SUCLG2: variants seen among roughly 807,000 people sequenced by gnomAD.
The protein encoded by SUCLG2 is succinate-CoA ligase GDP-forming subunit beta.
SUCLG2 carries 42 observed loss-of-function variants against 47.9 expected under a neutral mutation model. The observed-to-expected ratio is 0.88, with a 90% CI of 0.69 to 1.14. The LOEUF is 1.14. Among genes scored for constraint, SUCLG2 ranks in the 50% most tolerant of loss-of-function variants. The pLI is 0.00. For missense variants in SUCLG2, 571 were observed against 525.9 expected, an observed-to-expected ratio of 1.09 and a Z score of -0.84; for synonymous variants, 195 against 197.3, an observed-to-expected ratio of 0.99 and a Z score of 0.10.
chr3:67,535,606 T>C (rs1288764442), intron 2 of SUCLG2, among the ~76,000 whole-genome samples: 2 of 152,032 alleles, frequency 1.3e-5, no homozygotes, highest in African/African-American at 4.8e-5. Context: ...AATAAATAAA[T>C]GAATTACCCA....
At chr3:67,611,159 G>A (rs541912520) in intron 1 of SUCLG2, among the ~76,000 whole-genome samples, 1 of 152,304 alleles carries the variant, frequency 6.6e-6, no homozygotes, top group East Asian at 1.9e-4. Flanking sequence ...ATGTATACAT[G>A]CTGGTAAAAA....
At chr3:67,583,805 A>G (rs1316304931) in intron 2 of SUCLG2, among the ~76,000 whole-genome samples, 1 of 152,200 alleles carries the variant, frequency 6.6e-6, no homozygotes, top group African/African-American at 2.4e-5. Flanking sequence ...CAGGCTTCAA[A>G]TGTCTTTGAT....
chr3:67,515,596 C>T lies in SUCLG2; in HGVS notation c.660+2651G>A, dbSNP rs141704015. Reference sequence around the variant, plus strand: ...CCATGAGTGAGGTACCTCCAAATGCCTAAACCACATCCTAGATGAAAATTA... The same window carrying T: ...CCATGAGTGAGGTACCTCCAAATGCTTAAACCACATCCTAGATGAAAATTA... On this transcript the variant is annotated intron_variant, in intron 6 of 10. Transcript: ENST00000307227. Among the ~76,000 whole-genome samples, 8 of 152,188 alleles carry T rather than the reference C, an allele frequency of 5.3e-5. No homozygotes were observed. The East Asian group carries it at 1.5e-3, about 29-fold the overall frequency.
intron 1 of SUCLG2, among the ~76,000 whole-genome samples, chr3:67,613,951 C>G (rs1365687413): frequency 6.6e-6 from 1 of 152,128 alleles, no homozygotes; most frequent in Non-Finnish European, 1.5e-5. Flanking sequence ...GCTGACAGAG[C>G]TCGTGTAAGG....
chr3:67,398,568 T>C (rs1233542512), intron 10 of SUCLG2, among the ~76,000 whole-genome samples: 3 of 151,892 alleles, frequency 2.0e-5, no homozygotes, highest in Non-Finnish European at 4.4e-5. Flanking sequence ...TTTACACTGT[T>C]GGTGGGACTG....
rs79391138 is a variant in SUCLG2, at chr3:67,385,051, T to G, written c.1184-9192A>C. 2.0e-3 allele frequency among the ~76,000 whole-genome samples: 300 copies of G among 152,324 alleles called. 5 individuals carry two copies. The East Asian group carries it at 0.024, about 12-fold the overall frequency. ...ACTGAATCACCTGTAAGTCTCGTCC[T>G]GATAGCAATGTGCTCGCTCGCTCTT... On this transcript the variant is annotated intron_variant, in intron 10 of 10. Coordinates refer to ENST00000307227, the MANE Select transcript of SUCLG2 (RefSeq NM_003848.4).
intron 10 of SUCLG2, among the ~76,000 whole-genome samples, chr3:67,377,231 C>T (rs1207616620): frequency 1.3e-5 from 2 of 152,198 alleles, no homozygotes; most frequent in African/African-American, 4.8e-5. Context: ...TTGAACTGTT[C>T]TCTGTAATTA....
intron 1 of SUCLG2, among the ~76,000 whole-genome samples, chr3:67,624,666 G>C (rs575320492): frequency 6.6e-6 from 1 of 152,118 alleles, no homozygotes; most frequent in Non-Finnish European, 1.5e-5. Context: ...AATTTCTTTA[G>C]CCAGGGAGGG....
intron 2 of SUCLG2, among the ~76,000 whole-genome samples, chr3:67,585,000 C>A (rs143680846): frequency 6.8e-4 from 104 of 152,230 alleles, no homozygotes; most frequent in African/African-American, 2.3e-3. Flanking sequence ...CAAACCATAT[C>A]CTATGGATAC....
chr3:67,568,874 G>A (rs972968567), intron 2 of SUCLG2, among the ~76,000 whole-genome samples: 4 of 152,116 alleles, frequency 2.6e-5, no homozygotes, highest in East Asian at 1.9e-4. Flanking sequence ...GCGACAGAGC[G>A]AGACTCCGTC....
rs1701350960 is a variant in SUCLG2, at chr3:67,654,512, G to T, written c.75C>A (p.Ala25=). 1.6e-6 allele frequency: 2 copies of T among 1,243,042 alleles called. No individual in the cohort carries two copies. Among genetic ancestry groups the T allele is most frequent in the Non-Finnish European group, 2.0e-6 (2 of 992,216 alleles). The allele number at this position is 1,243,042 out of a possible 1,614,324, so 77.0% of individuals were successfully genotyped here. The change falls in exon 1 of 11, where the codon GCC becomes GCA. Residue 25 remains alanine (A), a synonymous_variant. Transcript: ENST00000307227. ...ALALRPRFLA[A]GSQAVQLTSR... ...CTGCCCCCACGCTCACCTGGGACCC[G>T]GCCGCCAGGAAGCGGGGCCGCAGCG...
chr3:67,630,115 C>T (rs1391613479), intron 1 of SUCLG2, among the ~76,000 whole-genome samples: 1 of 151,888 alleles, frequency 6.6e-6, no homozygotes, highest in Non-Finnish European at 1.5e-5. Flanking sequence ...ATACAAGGTA[C>T]TGTACACTCT....
intron 9 of SUCLG2, among the ~76,000 whole-genome samples, chr3:67,437,053 T>G (rs1237166621): frequency 6.6e-6 from 1 of 152,042 alleles, no homozygotes; most frequent in Non-Finnish European, 1.5e-5. Flanking sequence ...CTTAAACACA[T>G]TGAGTATTAT....
intron 10 of SUCLG2, among the ~76,000 whole-genome samples, chr3:67,398,968 C>T (rs141860580): frequency 1.7e-4 from 24 of 137,738 alleles, no homozygotes; most frequent in African/African-American, 6.7e-4. Context: ...GGGAATTGAA[C>T]AATCAGAACA....
At chr3:67,487,525 C>T (rs1575729438) in intron 9 of SUCLG2, among the ~76,000 whole-genome samples, 1 of 150,046 alleles carries the variant, frequency 6.7e-6, no homozygotes, top group African/African-American at 2.4e-5. Flanking sequence ...CACAAACACA[C>T]ACACAGAGTC....
rs71109889 is a variant in SUCLG2 at position 67,457,684 on chromosome 3, C to CTTTTTTT, written c.1062+38107_1062+38113dup. On this transcript the variant is annotated intron_variant, in intron 9 of 10. Transcript: ENST00000307227. ...TATAACAACAAAAGAACAAAAGCAG[C>CTTTTTTT]TTTTTTTTTTTTTTTTTTTTTTTTT... is the stretch of plus-strand genomic sequence containing the variant. Among the ~76,000 whole-genome samples, 48 of 65,484 alleles carry CTTTTTTT rather than the reference C, an allele frequency of 7.3e-4. 3 individuals carry two copies. Among genetic ancestry groups the CTTTTTTT allele is most frequent in the African/African-American group, 3.3e-3 (44 of 13,216 alleles). The allele number at this position is 65,484 out of a possible 152,430, so 43.0% of individuals were successfully genotyped here. A position where few individuals can be genotyped will look rare whatever the true frequency, so the allele number is the denominator to read the frequency against.
At chr3:67,587,592 C>T (rs79987193) in intron 2 of SUCLG2, among the ~76,000 whole-genome samples, 6,781 of 152,198 alleles carry the variant, frequency 0.045, 362 homozygotes, top group Admixed American at 0.18. Context: ...TGGAGGAGGA[C>T]AGAGTTTAAA....
At chr3:67,396,955 T>G (rs1702545174) in intron 10 of SUCLG2, among the ~76,000 whole-genome samples, 1 of 151,944 alleles carries the variant, frequency 6.6e-6, no homozygotes, top group East Asian at 1.9e-4. Flanking sequence ...AGAAAAGGCC[T>G]TTGACAAAAT....
exon 11 of SUCLG2, chr3:67,360,654 C>T (rs1701790623): frequency 6.6e-7 from 1 of 1,514,624 alleles, no homozygotes; most frequent in South Asian, 1.3e-5. Flanking sequence ...GCTGATGGCA[C>T]ACTTACTCAG....
Sources: allele counts gnomAD v4.1 joint callset (sites outside exome capture counted in the v4.1 genomes callset), GRCh38; gene constraint gnomAD v4.1.1; transcripts MANE v1.5; gene names NCBI Gene and HGNC (gene_info 2026-07-23, HGNC 2026-07-21).